The following MTF2 variants were observed in gnomAD, a reference collection of about 807,000 sequenced individuals.
MTF2 encodes the protein metal response element binding transcription factor 2, also known as metal-response element-binding transcription factor 2.
Under a neutral mutation model 79.5 loss-of-function variants are expected in MTF2, and 11 were observed. The ratio of observed to expected loss-of-function variants is 0.14; its 90% CI spans 0.09 to 0.23. The LOEUF is 0.23. MTF2 is among the 10% of genes least tolerant of loss of function. The probability of loss-of-function intolerance (pLI) is 1.00; values close to 1 mark genes in which losing one functional copy is unlikely to be tolerated. For missense variants in MTF2, 486 were observed against 711.2 expected (o/e 0.68, Z 3.60); for synonymous variants, 208 against 232.8 (o/e 0.89, Z 0.97).
In MTF2 at chr1:93,079,449, C is replaced by T. The variant is rs372939500; in HGVS notation, c.-78C>T. 2 of 1,597,444 alleles carry T rather than the reference C, an allele frequency of 1.3e-6. No homozygotes were observed. The highest frequency in any genetic ancestry group is 1.1e-5 in the South Asian group (1 of 90,196). Reference sequence around the variant, plus strand: ...GGCGGGTGCCCAGTAAGTGCTCGGACTCGCAGGGGAAGCGCCCACGGGGAC... The same window carrying T: ...GGCGGGTGCCCAGTAAGTGCTCGGATTCGCAGGGGAAGCGCCCACGGGGAC... On this transcript the variant is annotated 5_prime_UTR_variant, in exon 1 of 15. Transcript: ENST00000370298.
intron 6 of MTF2, among the ~76,000 whole-genome samples, chr1:93,117,424 A>C (rs916548933): frequency 2.6e-5 from 4 of 152,216 alleles, no homozygotes; most frequent in Non-Finnish European, 5.9e-5. Context: ...TATTTCTTAG[A>C]TGAAGATTCA....
chr1:93,094,473 T>C (rs897706715), intron 1 of MTF2, among the ~76,000 whole-genome samples: 1 of 152,232 alleles, frequency 6.6e-6, no homozygotes, highest in Non-Finnish European at 1.5e-5. Flanking sequence ...TTTTAAAATA[T>C]ATGTTTTAAG....
chr1:93,126,572 G>T (rs1373485797), intron 9 of MTF2, among the ~76,000 whole-genome samples: 3 of 151,866 alleles, frequency 2.0e-5, no homozygotes, highest in Non-Finnish European at 4.4e-5. Context: ...GTCAAGAAGA[G>T]GCAGAAAGGT....
At chr1:93,107,306 C>T (rs1463302212) in intron 1 of MTF2, among the ~76,000 whole-genome samples, 4 of 152,038 alleles carry the variant, frequency 2.6e-5, no homozygotes, top group South Asian at 2.1e-4. Context: ...CTCATTGCAA[C>T]GTCCGCCTCC....
chr1:93,121,671 A>G (rs1656485941), intron 9 of MTF2: 2 of 963,560 alleles, frequency 2.1e-6, no homozygotes, highest in Non-Finnish European at 2.5e-6. Flanking sequence ...GAATTTTTGA[A>G]TTCATCATTT....
At chr1:93,122,096 A>G (rs1174095855) in intron 9 of MTF2, among the ~76,000 whole-genome samples, 1 of 152,086 alleles carries the variant, frequency 6.6e-6, no homozygotes, top group Non-Finnish European at 1.5e-5. Flanking sequence ...GCCACTGGGC[A>G]TGGCCACATT....
At chr1:93,099,967 T>TA (rs1426394399) in intron 1 of MTF2, among the ~76,000 whole-genome samples, 1 of 152,224 alleles carries the variant, frequency 6.6e-6, no homozygotes, top group Admixed American at 6.5e-5. Flanking sequence ...AAGTAAAACT[T>TA]ACTGATTTAA....
chr1:93,097,656 G>A (rs1017055491), intron 1 of MTF2, among the ~76,000 whole-genome samples: 5 of 152,104 alleles, frequency 3.3e-5, no homozygotes, highest in South Asian at 2.1e-4. Flanking sequence ...GGAGTGTAGC[G>A]GTGCGATCTC....
At chr1:93,115,331 T>C (rs1571239588) in intron 5 of MTF2, 139 bp from the exon 6 acceptor site, 1 of 738,216 alleles carries the variant, frequency 1.4e-6, no homozygotes. Flanking sequence ...ATAGAGATTA[T>C]TATTAATCAG....
intron 10 of MTF2, 188 bp from the exon 11 acceptor site, chr1:93,129,086 TCCTC>T: frequency 2.5e-6 from 1 of 396,970 alleles, no homozygotes. Context: ...TCCTATCCCT[TCCTC>T]CCCATCATAT....
chr1:93,114,579 T>C, intron 3 of MTF2, 109 bp from the exon 4 acceptor site: 1 of 668,730 alleles, frequency 1.5e-6, no homozygotes, highest in South Asian at 2.3e-5. Context: ...AGCATTATGA[T>C]GTACTTAGCA....
intron 9 of MTF2, among the ~76,000 whole-genome samples, chr1:93,126,079 A>G (rs11801977): frequency 0.082 from 12,531 of 152,028 alleles, 1,678 homozygotes; most frequent in African/African-American, 0.29. Context: ...GAAATTCTCT[A>G]TCATTAGACC....
intron 1 of MTF2, among the ~76,000 whole-genome samples, chr1:93,083,596 C>G (rs1369924564): frequency 6.6e-6 from 1 of 152,042 alleles, no homozygotes; most frequent in Non-Finnish European, 1.5e-5. Flanking sequence ...AGTGAAATTA[C>G]TGGGTCAGAT....
chr1:93,107,870 T>C (rs1655867437), intron 1 of MTF2, among the ~76,000 whole-genome samples: 1 of 152,298 alleles, frequency 6.6e-6, no homozygotes, highest in Admixed American at 6.5e-5. Context: ...AGTCTCGACC[T>C]CCTGGCCTCA....
chr1:93,104,374 T>G (rs1655671430), intron 1 of MTF2, among the ~76,000 whole-genome samples: 1 of 152,150 alleles, frequency 6.6e-6, no homozygotes, highest in East Asian at 1.9e-4. Context: ...TGATTTGTGC[T>G]TAGAGACATT....
At position 93,103,054 on chromosome 1, in the gene MTF2, C is replaced by T. The variant is rs1655613109; in HGVS notation, c.6-7176C>T. Among the ~76,000 whole-genome samples the T allele has an allele frequency of 6.6e-5, 10 of 152,004 alleles. No homozygotes were observed. In the South Asian group the frequency reaches 1.9e-3, roughly 28 times the overall value. ...GGCTGAGGCAGGAGAATTGCTTGAA[C>T]CCGGGAGGCAGAGGTTGCAGTGAGC... On this transcript the variant is annotated intron_variant, in intron 1 of 14. Transcript: ENST00000370298.
At chr1:93,115,322 TA>T (rs1476933745) in intron 5 of MTF2, 147 bp from the exon 6 acceptor site, 3 of 711,172 alleles carry the variant, frequency 4.2e-6, no homozygotes, top group Non-Finnish European at 6.6e-6. Flanking sequence ...AAAAGAAAAA[TA>T]GAGATTATTA....
At chr1:93,134,066 C>T in intron 13 of MTF2, 25 bp from the exon 14 acceptor site, 1 of 1,570,384 alleles carries the variant, frequency 6.4e-7, no homozygotes, top group South Asian at 1.2e-5. Context: ...ATAGTCGTTA[C>T]ACAATTTAAA....
chr1:93,079,882 G>A (rs1454169218), intron 1 of MTF2, among the ~76,000 whole-genome samples: 2 of 151,738 alleles, frequency 1.3e-5, no homozygotes, highest in East Asian at 1.9e-4. Context: ...TGACGAGGGG[G>A]TGGGGAGCCG....
Sources: allele counts gnomAD v4.1 joint callset (sites outside exome capture counted in the v4.1 genomes callset), GRCh38; gene constraint gnomAD v4.1.1; transcripts MANE v1.5; gene names NCBI Gene and HGNC (gene_info 2026-07-23, HGNC 2026-07-21).